The following CDH2 variants were observed in gnomAD, a reference collection of about 807,000 sequenced individuals.
The protein encoded by CDH2 is cadherin 2, also known as cadherin-2.
CDH2 carries 17 observed loss-of-function variants against 92.0 expected under a neutral mutation model. That is an observed-to-expected ratio of 0.18 (90% CI 0.13 to 0.28). The LOEUF (loss-of-function observed/expected upper bound fraction) is 0.28, where lower values mean the gene tolerates loss of function less well. CDH2 is among the 10% of genes least tolerant of loss of function. The pLI is 1.00. For missense variants in CDH2, 862 were observed against 1,133.1 expected (o/e 0.76, Z 3.44); for synonymous variants, 419 against 415.9 (o/e 1.01, Z -0.09).
intron 4 of CDH2, among the ~76,000 whole-genome samples, chr18:28,011,362 G>A (rs1224105536): frequency 1.3e-5 from 2 of 151,264 alleles, no homozygotes; most frequent in Non-Finnish European, 2.9e-5. Context: ...TGGGGATTCT[G>A]TTAATGGTAT....
In CDH2 at chr18:28,153,533, AG is replaced by A. The variant is rs1440434817; in HGVS notation, c.61-5750del. ...AGACATGGTTTGGGGAAATCTGCCCAGGGGCAACACCCCCCAACCCCCCGGG... is the reference window on the plus strand; with the variant it reads ...AGACATGGTTTGGGGAAATCTGCCCAGGGCAACACCCCCCAACCCCCCGGG... On this transcript the variant is annotated intron_variant, in intron 1 of 15. Transcript: ENST00000269141. 2.6e-5 allele frequency among the ~76,000 whole-genome samples: 4 copies of A among 152,220 alleles called. No individual in the cohort carries two copies. In the East Asian group the frequency reaches 7.7e-4, roughly 29 times the overall value.
intron 2 of CDH2, among the ~76,000 whole-genome samples, chr18:28,030,337 G>A (rs532737848): frequency 3.2e-4 from 48 of 151,980 alleles, no homozygotes; most frequent in African/African-American, 1.1e-3. Flanking sequence ...CTAAAAAAAG[G>A]ACTTTTTTAA....
intron 2 of CDH2, among the ~76,000 whole-genome samples, chr18:28,121,562 G>A (rs2015588067): frequency 6.6e-6 from 1 of 152,006 alleles, no homozygotes; most frequent in African/African-American, 2.4e-5. Flanking sequence ...CTTCCACAAA[G>A]CTAGACCCAA....
At chr18:28,157,247 T>C (rs769922136) in intron 1 of CDH2, among the ~76,000 whole-genome samples, 1 of 152,210 alleles carries the variant, frequency 6.6e-6, no homozygotes, top group Non-Finnish European at 1.5e-5. Flanking sequence ...AACACGCTTA[T>C]ACTCAAAATG....
In CDH2 at chr18:27,964,654, G is replaced by A. The variant is rs193078889; in HGVS notation, c.2350-1133C>T. 5.9e-5 allele frequency among the ~76,000 whole-genome samples: 9 copies of A among 152,294 alleles called. No individual in the cohort carries two copies. In the East Asian group the frequency reaches 1.7e-3, roughly 29 times the overall value. The stretch of plus-strand genomic sequence containing the variant: ...TAACGTTTACCATGTTTTGGCAATG[G>A]TCTAGGTGTCTTACATATGTTCACT... On this transcript the variant is annotated intron_variant, in intron 14 of 15. Coordinates refer to ENST00000269141, the MANE Select transcript of CDH2 (RefSeq NM_001792.5).
rs943441255 is a variant in CDH2 at position 28,103,467 on chromosome 18, G to A, written c.172+44206C>T. 1.4e-4 allele frequency among the ~76,000 whole-genome samples: 16 copies of A among 115,954 alleles called. 1 individual carries two copies. The highest frequency in any genetic ancestry group is 5.2e-3 in the Middle Eastern group (1 of 194). 76.1% of individuals were successfully genotyped at this position (115,954 alleles called of 152,430 possible). A position where few individuals can be genotyped will look rare whatever the true frequency, so the allele number is the denominator to read the frequency against. ...TTATATATATATATATACACATAAAGTATGTATATATATACACACACACAC... is the reference window on the plus strand; with the variant it reads ...TTATATATATATATATACACATAAAATATGTATATATATACACACACACAC... On this transcript the variant is annotated intron_variant, in intron 2 of 15. Transcript: ENST00000269141.
chr18:28,036,734 A>G, intron 2 of CDH2: 1 of 586,890 alleles, frequency 1.7e-6, no homozygotes, highest in Non-Finnish European at 3.0e-6. Flanking sequence ...CCCTTATTAC[A>G]TCTGATTCAC....
intron 2 of CDH2, among the ~76,000 whole-genome samples, chr18:28,052,666 G>A (rs1305308626): frequency 1.3e-5 from 2 of 152,212 alleles, no homozygotes; most frequent in South Asian, 2.1e-4. Flanking sequence ...ACAAACCACC[G>A]AAGGACTGGA....
At chr18:27,958,420 T>C (rs974405259) in intron 15 of CDH2, among the ~76,000 whole-genome samples, 1 of 151,726 alleles carries the variant, frequency 6.6e-6, no homozygotes, top group Non-Finnish European at 1.5e-5. Flanking sequence ...GAAATATACT[T>C]CATATACTAA....
chr18:28,060,127 T>C (rs894595033), intron 2 of CDH2, among the ~76,000 whole-genome samples: 1 of 152,140 alleles, frequency 6.6e-6, no homozygotes, highest in African/African-American at 2.4e-5. Context: ...TGATCATCAC[T>C]TAGATCCACT....
At chr18:28,046,795 C>T (rs1046876394) in intron 2 of CDH2, among the ~76,000 whole-genome samples, 2 of 152,166 alleles carry the variant, frequency 1.3e-5, no homozygotes, top group African/African-American at 4.8e-5. Context: ...GGGGGACTTT[C>T]TAATGAACTT....
chr18:28,002,934 G>T, intron 7 of CDH2, 63 bp downstream of exon 7: 1 of 1,356,056 alleles, frequency 7.4e-7, no homozygotes, highest in Non-Finnish European at 1.1e-6. Context: ...AAATGTATGT[G>T]ATATGATATT....
downstream of CDH2, among the ~76,000 whole-genome samples, chr18:27,947,908 AAAAC>A (rs1408115321): frequency 1.1e-4 from 16 of 151,558 alleles, no homozygotes; most frequent in Non-Finnish European, 2.2e-4. Context: ...TAGTGTTTGG[AAAAC>A]AGATATAAGT....
chr18:28,044,494 C>T (rs2014030233), intron 2 of CDH2, among the ~76,000 whole-genome samples: 1 of 152,150 alleles, frequency 6.6e-6, no homozygotes, highest in Non-Finnish European at 1.5e-5. Flanking sequence ...ACTTTCAATG[C>T]TTCCTACTGT....
Position 28,065,990 on chromosome 18 carries a change from G to A in CDH2, c.173-52081C>T, listed in dbSNP as rs543039959. On this transcript the variant is annotated intron_variant, in intron 2 of 15. Coordinates refer to ENST00000269141, the MANE Select transcript of CDH2 (RefSeq NM_001792.5). ...ATCCTGGAGCTTTCTAGTGGAGGTG[G>A]AGCTAGGGGGATGACAGGTTTCTGG... 4.6e-5 allele frequency among the ~76,000 whole-genome samples: 7 copies of A among 152,260 alleles called. No individual in the cohort carries two copies. In the South Asian group the frequency reaches 8.3e-4, roughly 18 times the overall value.
intron 2 of CDH2, among the ~76,000 whole-genome samples, chr18:28,038,891 G>A (rs1599054558): frequency 1.3e-5 from 2 of 152,094 alleles, no homozygotes; most frequent in Admixed American, 6.6e-5. Flanking sequence ...GAGCACGACT[G>A]CTGGTGCAAA....
chr18:28,063,150 T>G (rs2014437848), intron 2 of CDH2, among the ~76,000 whole-genome samples: 1 of 152,212 alleles, frequency 6.6e-6, no homozygotes, highest in Non-Finnish European at 1.5e-5. Context: ...GTATATAGCT[T>G]TGTAAAATCC....
intron 2 of CDH2, among the ~76,000 whole-genome samples, chr18:28,107,383 G>T (rs548666541): frequency 6.6e-6 from 1 of 151,782 alleles, no homozygotes; most frequent in Admixed American, 6.6e-5. Flanking sequence ...AGTGTATGAC[G>T]GTATGCATAT....
intron 2 of CDH2, among the ~76,000 whole-genome samples, chr18:28,046,905 TA>T (rs796271110): frequency 2.6e-5 from 4 of 152,306 alleles, no homozygotes; most frequent in African/African-American, 9.6e-5. Context: ...TAACTGGAAG[TA>T]AATTTCTTCC....
Sources: allele counts gnomAD v4.1 joint callset (sites outside exome capture counted in the v4.1 genomes callset), GRCh38; gene constraint gnomAD v4.1.1; transcripts MANE v1.5; gene names NCBI Gene and HGNC (gene_info 2026-07-23, HGNC 2026-07-21).